Variants in HS3ST4 observed in about 807,000 individuals in gnomAD.
The protein encoded by HS3ST4 is heparan sulfate glucosamine 3-O-sulfotransferase 4.
Under a neutral mutation model 29.2 loss-of-function variants are expected in HS3ST4, and 17 were observed. That is an observed-to-expected ratio of 0.58 (90% CI 0.40 to 0.87). The LOEUF is 0.87. Among genes scored for constraint, HS3ST4 ranks in the 40% least tolerant of loss-of-function variants. HS3ST4 has a pLI of 0.00. For missense variants in HS3ST4, 627 were observed against 634.5 expected (o/e 0.99, Z 0.13); for synonymous variants, 314 against 285.7 (o/e 1.10, Z -1.00).
At chr16:25,850,659 G>A (rs901806301) in intron 1 of HS3ST4, among the ~76,000 whole-genome samples, 4 of 152,156 alleles carry the variant, frequency 2.6e-5, no homozygotes, top group Non-Finnish European at 4.4e-5. Context: ...AGCTATTCTT[G>A]GTTCTGCAAC....
chr16:25,710,561 A>G (rs1253467063), intron 1 of HS3ST4, among the ~76,000 whole-genome samples: 2 of 151,788 alleles, frequency 1.3e-5, no homozygotes, highest in Non-Finnish European at 2.9e-5. Context: ...CCCAAGATGG[A>G]GAAACTAGGA....
chr16:25,913,379 C>T (rs367685270), intron 1 of HS3ST4, among the ~76,000 whole-genome samples: 2 of 152,236 alleles, frequency 1.3e-5, no homozygotes, highest in East Asian at 3.9e-4. Context: ...CTGTGCACCC[C>T]TTCCACCACC....
At chr16:25,871,592 C>A (rs1343377854) in intron 1 of HS3ST4, among the ~76,000 whole-genome samples, 3 of 152,042 alleles carry the variant, frequency 2.0e-5, no homozygotes, top group Non-Finnish European at 4.4e-5. Context: ...CTTACAATAA[C>A]CTTATAAAGT....
chr16:26,011,756 G>T (rs540693903), intron 1 of HS3ST4, among the ~76,000 whole-genome samples: 3 of 151,358 alleles, frequency 2.0e-5, no homozygotes, highest in Admixed American at 1.3e-4. Context: ...TGTAGGAAAT[G>T]GGGTTAGAAT....
chr16:25,965,989 TA>T (rs1053242252), intron 1 of HS3ST4, among the ~76,000 whole-genome samples: 9 of 152,320 alleles, frequency 5.9e-5, no homozygotes, highest in African/African-American at 2.2e-4. Flanking sequence ...CCATGTTGTT[TA>T]ATTTAACATT....
intron 1 of HS3ST4, among the ~76,000 whole-genome samples, chr16:25,735,389 CTTT>C (rs368919724): frequency 6.9e-6 from 1 of 145,388 alleles, no homozygotes; most frequent in Non-Finnish European, 1.5e-5. Flanking sequence ...TGTACTTTTT[CTTT>C]TTTTTTTTTA....
chr16:26,000,216 C>T (rs1396947445), intron 1 of HS3ST4, among the ~76,000 whole-genome samples: 8 of 152,010 alleles, frequency 5.3e-5, no homozygotes, highest in African/African-American at 1.9e-4. Flanking sequence ...AGGCTTCAGG[C>T]ATGGCTGGAA....
At position 25,755,619 on chromosome 16, in the gene HS3ST4, G is replaced by A. The variant is rs79289030; in HGVS notation, c.734+62468G>A. Among the ~76,000 whole-genome samples, 55 of 152,274 alleles carry A rather than the reference G, an allele frequency of 3.6e-4. 1 individual carries two copies. The East Asian group carries it at 4.6e-3, about 13-fold the overall frequency. On this transcript the variant is annotated intron_variant, in intron 1 of 1. Coordinates refer to ENST00000331351, the MANE Select transcript of HS3ST4 (RefSeq NM_006040.3). Reference sequence around the variant, plus strand: ...AGGTGTGCTTTCTTTACCTTGGCCCGAGGTTTTAAAAGAATACATCAATTT... The same window carrying A: ...AGGTGTGCTTTCTTTACCTTGGCCCAAGGTTTTAAAAGAATACATCAATTT...
intron 1 of HS3ST4, among the ~76,000 whole-genome samples, chr16:25,989,929 T>G (rs918102484): frequency 6.6e-6 from 1 of 152,234 alleles, no homozygotes; most frequent in Non-Finnish European, 1.5e-5. Flanking sequence ...TCTTGGTGTT[T>G]GTACGTGCCA....
intron 1 of HS3ST4, among the ~76,000 whole-genome samples, chr16:26,091,470 C>G (rs555199945): frequency 6.6e-6 from 1 of 152,090 alleles, no homozygotes; most frequent in African/African-American, 2.4e-5. Context: ...TGCTTCTTGC[C>G]GTTCCAAGGT....
At chr16:25,874,098 A>G (rs1967802193) in intron 1 of HS3ST4, among the ~76,000 whole-genome samples, 1 of 152,116 alleles carries the variant, frequency 6.6e-6, no homozygotes, top group Non-Finnish European at 1.5e-5. Flanking sequence ...TCTCTGCTTT[A>G]CCAGTATTTC....
At chr16:25,863,489 A>G (rs1251481297) in intron 1 of HS3ST4, among the ~76,000 whole-genome samples, 1 of 152,194 alleles carries the variant, frequency 6.6e-6, no homozygotes, top group Non-Finnish European at 1.5e-5. Flanking sequence ...CTATACTTTT[A>G]TAAGTAGAGC....
At chr16:26,042,645 A>G (rs1969645714) in intron 1 of HS3ST4, among the ~76,000 whole-genome samples, 1 of 152,242 alleles carries the variant, frequency 6.6e-6, no homozygotes, top group Admixed American at 6.5e-5. Context: ...TCCAACTGGG[A>G]TGGTTGCATC....
intron 1 of HS3ST4, among the ~76,000 whole-genome samples, chr16:26,084,461 G>T (rs1386344555): frequency 6.6e-6 from 1 of 152,130 alleles, no homozygotes; most frequent in African/African-American, 2.4e-5. Context: ...AAGTCTCAAA[G>T]CTCACATGCC....
chr16:26,080,437 C>A (rs1246781706), intron 1 of HS3ST4, among the ~76,000 whole-genome samples: 1 of 152,034 alleles, frequency 6.6e-6, no homozygotes, highest in African/African-American at 2.4e-5. Context: ...AATTTGTTTC[C>A]CCTGAAAGCA....
chr16:25,950,007 C>T (rs1968667019), intron 1 of HS3ST4, among the ~76,000 whole-genome samples: 1 of 141,914 alleles, frequency 7.0e-6, no homozygotes. Context: ...CCTCCTAGTG[C>T]ACACCCCTTG....
chr16:26,047,291 AT>A (rs1898283063), intron 1 of HS3ST4, among the ~76,000 whole-genome samples: 2 of 152,096 alleles, frequency 1.3e-5, no homozygotes, highest in Non-Finnish European at 2.9e-5. Flanking sequence ...GCCTGGCTTT[AT>A]TTTTCTGCAT....
chr16:25,807,690 T>C (rs949365867), intron 1 of HS3ST4, among the ~76,000 whole-genome samples: 13 of 152,312 alleles, frequency 8.5e-5, no homozygotes, highest in African/African-American at 3.1e-4. Flanking sequence ...GCGCAGTTGG[T>C]GGGTTTCCAT....
intron 1 of HS3ST4, among the ~76,000 whole-genome samples, chr16:25,939,074 A>T (rs113589058): frequency 0.013 from 1,942 of 152,168 alleles, 39 homozygotes; most frequent in African/African-American, 0.045. Context: ...AGAATCGTTT[A>T]ACCACTATTA....
Sources: gnomAD v4.1 joint callset for allele counts (sites outside exome capture counted in the v4.1 genomes callset) on GRCh38, gnomAD v4.1.1 for gene constraint, MANE v1.5 for transcripts, NCBI Gene and HGNC (gene_info 2026-07-23, HGNC 2026-07-21) for gene names.